Variants in GABRB3 observed in about 807,000 individuals in gnomAD.
GABRB3 encodes the protein gamma-aminobutyric acid receptor subunit beta-3.
A neutral mutation model predicts 52.1 loss-of-function variants in GABRB3; 14 were observed. The observed-to-expected ratio is 0.27, with a 90% CI of 0.18 to 0.42. GABRB3 has a LOEUF of 0.42. Ranked by LOEUF, GABRB3 falls within the 10% of genes least tolerant of loss-of-function variation. The pLI is 1.00. For synonymous variants in GABRB3, 260 were observed against 232.3 expected, an observed-to-expected ratio of 1.12 and a Z score of -1.08; for missense variants, 307 against 609.1, an observed-to-expected ratio of 0.50 and a Z score of 5.22.
chr15:26,728,272 C>T (rs562849672), intron 3 of GABRB3, among the ~76,000 whole-genome samples: 2 of 152,308 alleles, frequency 1.3e-5, no homozygotes, highest in East Asian at 3.9e-4. Context: ...TGTAACAGCA[C>T]TAGACAGGGG....
intron 3 of GABRB3, among the ~76,000 whole-genome samples, chr15:26,681,820 A>C (rs1255748336): frequency 6.6e-6 from 1 of 152,086 alleles, no homozygotes; most frequent in Non-Finnish European, 1.5e-5. Context: ...TTTATAAGAA[A>C]AATTAGCCAG....
At chr15:26,756,941 C>T (rs188565580) in intron 3 of GABRB3, among the ~76,000 whole-genome samples, 68 of 152,288 alleles carry the variant, frequency 4.5e-4, no homozygotes, top group Middle Eastern at 6.8e-3. Flanking sequence ...ATGTACCCAA[C>T]ATGGCTGCCA....
chr15:26,674,084 TCC>T (rs1887983065), intron 3 of GABRB3, among the ~76,000 whole-genome samples: 1 of 151,526 alleles, frequency 6.6e-6, no homozygotes, highest in Non-Finnish European at 1.5e-5. Context: ...TTTTAGTATT[TCC>T]TGAGATGGTG....
At chr15:26,695,787 G>A (rs1258042388) in intron 3 of GABRB3, among the ~76,000 whole-genome samples, 2 of 152,124 alleles carry the variant, frequency 1.3e-5, no homozygotes, top group African/African-American at 4.8e-5. Flanking sequence ...TTCTGGATAG[G>A]TGAAATAAGC....
intron 6 of GABRB3, among the ~76,000 whole-genome samples, chr15:26,568,962 C>G (rs1890291301): frequency 6.6e-6 from 1 of 152,056 alleles, no homozygotes; most frequent in Non-Finnish European, 1.5e-5. Context: ...ACCCAATGAC[C>G]CTCTCTAATC....
chr15:26,626,189 A>C (rs545053773), intron 3 of GABRB3, among the ~76,000 whole-genome samples: 16 of 152,188 alleles, frequency 1.1e-4, no homozygotes, highest in Admixed American at 1.3e-4. Context: ...TATTATTATC[A>C]CTCTGGGGCA....
intron 3 of GABRB3, among the ~76,000 whole-genome samples, chr15:26,734,261 C>T (rs1406258187): frequency 6.6e-6 from 1 of 151,810 alleles, no homozygotes; most frequent in Non-Finnish European, 1.5e-5. Context: ...GAACTCCCGA[C>T]CTCAGGTGAT....
In GABRB3 at chr15:26,556,241, C is replaced by CT. The variant is rs1889746060; in HGVS notation, c.1080+4690dup. Among the ~76,000 whole-genome samples, 6 of 152,298 alleles carry CT rather than the reference C, an allele frequency of 3.9e-5. No homozygotes were observed. The South Asian group carries it at 1.2e-3, about 32-fold the overall frequency. On this transcript the variant is annotated intron_variant, in intron 8 of 8. Transcript: ENST00000311550. Reference sequence around the variant, plus strand: ...GCAAACATTCAACGACTAAAAACATCTCATTCAGAATATAGCACAGAGAGA... The same window carrying CT: ...GCAAACATTCAACGACTAAAAACATCTTCATTCAGAATATAGCACAGAGAGA...
At chr15:26,606,801 T>TCGATAGATAG (rs1566770671) in intron 4 of GABRB3, among the ~76,000 whole-genome samples, 2 of 49,086 alleles carry the variant, frequency 4.1e-5, no homozygotes, top group South Asian at 1.6e-3. Flanking sequence ...TAGATAGATA[T>TCGATAGATAG]ATCTATAGAT....
intron 3 of GABRB3, among the ~76,000 whole-genome samples, chr15:26,678,162 A>T (rs1888126052): frequency 6.6e-6 from 1 of 152,208 alleles, no homozygotes; most frequent in Non-Finnish European, 1.5e-5. Context: ...ACATCTTCAT[A>T]AGACCCACTC....
intron 3 of GABRB3, among the ~76,000 whole-genome samples, chr15:26,736,458 A>G (rs1890068257): frequency 6.6e-6 from 1 of 152,252 alleles, no homozygotes; most frequent in African/African-American, 2.4e-5. Context: ...ATAAAACATG[A>G]CAGAAATTGC....
At chr15:26,586,709 AG>A (rs1334546954) in intron 4 of GABRB3, among the ~76,000 whole-genome samples, 3 of 145,132 alleles carry the variant, frequency 2.1e-5, no homozygotes, top group Admixed American at 6.9e-5. Context: ...AAAAAAAGAG[AG>A]AGAGAGAAAG....
intron 3 of GABRB3, among the ~76,000 whole-genome samples, chr15:26,722,235 G>C (rs1016631137): frequency 2.0e-5 from 3 of 152,168 alleles, no homozygotes; most frequent in African/African-American, 7.2e-5. Flanking sequence ...ATCAGGATTC[G>C]TTGTAAGATG....
intron 3 of GABRB3, among the ~76,000 whole-genome samples, chr15:26,657,803 A>T (rs1192403066): frequency 6.6e-6 from 1 of 152,198 alleles, no homozygotes; most frequent in African/African-American, 2.4e-5. Context: ...CTAAGCTCTA[A>T]GTTGCCCTTG....
At chr15:26,640,146 CAG>C (rs1307299586) in intron 3 of GABRB3, among the ~76,000 whole-genome samples, 1 of 152,168 alleles carries the variant, frequency 6.6e-6, no homozygotes, top group Non-Finnish European at 1.5e-5. Context: ...GGAGTTATGA[CAG>C]AGGTATGGAC....
At chr15:26,731,420 T>G (rs1321861882) in intron 3 of GABRB3, among the ~76,000 whole-genome samples, 1 of 152,210 alleles carries the variant, frequency 6.6e-6, no homozygotes, top group Non-Finnish European at 1.5e-5. Flanking sequence ...TTTTGAGGCT[T>G]TGCCAGCTCC....
intron 3 of GABRB3, among the ~76,000 whole-genome samples, chr15:26,630,990 G>A (rs1892898335): frequency 6.6e-6 from 1 of 152,206 alleles, no homozygotes; most frequent in Admixed American, 6.5e-5. Flanking sequence ...GTGAAGGTAA[G>A]AAGCCACGGT....
chr15:26,589,771 T>C (rs916511059), intron 4 of GABRB3, among the ~76,000 whole-genome samples: 6 of 152,192 alleles, frequency 3.9e-5, no homozygotes, highest in Admixed American at 2.0e-4. Context: ...CCCCAGTACC[T>C]AGAACGGCAG....
At chr15:26,769,780 TG>T (rs1891097178) in intron 3 of GABRB3, among the ~76,000 whole-genome samples, 1 of 152,168 alleles carries the variant, frequency 6.6e-6, no homozygotes, top group South Asian at 2.1e-4. Context: ...CCTCCCTCTC[TG>T]TTCTGTGTGC....
Sources: gnomAD v4.1 joint callset for allele counts (sites outside exome capture counted in the v4.1 genomes callset) on GRCh38, gnomAD v4.1.1 for gene constraint, MANE v1.5 for transcripts, NCBI Gene and HGNC (gene_info 2026-07-23, HGNC 2026-07-21) for gene names.